DAW1: variants seen among roughly 807,000 people sequenced by gnomAD.
DAW1 encodes the protein dynein assembly factor with WD repeat domains 1.
DAW1 carries 47 observed loss-of-function variants against 56.5 expected under a neutral mutation model. The observed-to-expected ratio is 0.83, with a 90% CI of 0.66 to 1.06. DAW1 has a LOEUF of 1.06. Among genes scored for constraint, DAW1 ranks in the 50% least tolerant of loss-of-function variants. The pLI is 0.00. For synonymous variants in DAW1, 190 were observed against 179.0 expected, an observed-to-expected ratio of 1.06 and a Z score of -0.49; for missense variants, 505 against 499.3, an observed-to-expected ratio of 1.01 and a Z score of -0.11.
chr2:227,923,360 T>C (rs1246623639), intron 12 of DAW1, among the ~76,000 whole-genome samples: 1 of 152,230 alleles, frequency 6.6e-6, no homozygotes, highest in African/African-American at 2.4e-5. Context: ...TTACATTTGT[T>C]AAAACATGAA....
At chr2:227,895,464 A>G (rs1691384637) in intron 5 of DAW1, 1 of 152,228 alleles carries the variant, frequency 6.6e-6, no homozygotes, top group African/African-American at 2.4e-5. Context: ...AACAATTAAG[A>G]CAAGAAAGTG....
intron 10 of DAW1, among the ~76,000 whole-genome samples, chr2:227,917,923 G>A (rs888848639): frequency 2.0e-5 from 3 of 152,000 alleles, no homozygotes; most frequent in Admixed American, 2.0e-4. Flanking sequence ...CTACAATTTT[G>A]TATCCTTGCT....
intron 2 of DAW1, among the ~76,000 whole-genome samples, chr2:227,888,929 A>G (rs149220333): frequency 6.6e-6 from 1 of 152,322 alleles, no homozygotes; most frequent in Admixed American, 6.5e-5. Flanking sequence ...TATAATAAAT[A>G]TTAATATTAG....
intron 2 of DAW1, among the ~76,000 whole-genome samples, chr2:227,889,283 T>C (rs1447808603): frequency 6.6e-6 from 1 of 152,182 alleles, no homozygotes; most frequent in Non-Finnish European, 1.5e-5. Flanking sequence ...TAGTTCTGAC[T>C]GAGAAATCCA....
Position 227,886,043 on chromosome 2 carries a change from C to T in DAW1, c.113+620C>T, listed in dbSNP as rs193266501. 1.3e-3 allele frequency among the ~76,000 whole-genome samples: 192 copies of T among 147,950 alleles called. 1 individual carries two copies. Among genetic ancestry groups the T allele is most frequent in the Non-Finnish European group, 2.4e-3 (162 of 67,552 alleles). ...AGTCTGGAGTGCAGTGGCTCGATCTCGGCTCATTGCATCCTCCGCCTCCTG... is the reference window on the plus strand; with the variant it reads ...AGTCTGGAGTGCAGTGGCTCGATCTTGGCTCATTGCATCCTCCGCCTCCTG... On this transcript the variant is annotated intron_variant, in intron 2 of 12. Coordinates refer to ENST00000309931, the MANE Select transcript of DAW1 (RefSeq NM_178821.3).
intron 6 of DAW1, among the ~76,000 whole-genome samples, chr2:227,900,753 A>G (rs1316860967): frequency 6.6e-6 from 1 of 152,168 alleles, no homozygotes; most frequent in Non-Finnish European, 1.5e-5. Context: ...GAATATGTGA[A>G]TGTGGATTTG....
At chr2:227,912,462 A>G in intron 10 of DAW1, 1 of 1,304,322 alleles carries the variant, frequency 7.7e-7, no homozygotes, top group South Asian at 1.2e-5. Flanking sequence ...TCTGCTGTCA[A>G]CAATATGGTA....
At position 227,885,331 on chromosome 2, in the gene DAW1, A is replaced by G. The variant is rs1003340364; in HGVS notation, c.41-20A>G. 2 of 1,538,316 alleles carry G rather than the reference A, an allele frequency of 1.3e-6. No homozygotes were observed. Among genetic ancestry groups the G allele is most frequent in the South Asian group, 1.3e-5 (1 of 79,612 alleles). ...GTGGTTATCGTAAGTGTTTTATAAC[A>G]TGTTTGTTTATTTCTATAGGAATTA... On this transcript the variant is annotated intron_variant, in intron 1 of 12. Transcript: ENST00000309931.
intron 1 of DAW1, among the ~76,000 whole-genome samples, chr2:227,872,964 A>G (rs1690791622): frequency 6.6e-6 from 1 of 152,170 alleles, no homozygotes; most frequent in African/African-American, 2.4e-5. Context: ...AAGATCTCCA[A>G]TAGCTTCCTA....
intron 10 of DAW1, among the ~76,000 whole-genome samples, chr2:227,916,758 C>T (rs897786805): frequency 1.3e-5 from 2 of 152,100 alleles, no homozygotes; most frequent in African/African-American, 4.8e-5. Context: ...TTTCATCTAC[C>T]TGAACTTGAC....
intron 10 of DAW1, among the ~76,000 whole-genome samples, chr2:227,915,791 C>T (rs1035493317): frequency 5.3e-5 from 8 of 152,056 alleles, no homozygotes; most frequent in Non-Finnish European, 1.2e-4. Flanking sequence ...GTGTCATATC[C>T]TTAATAGCCA....
chr2:227,901,756 C>G (rs1212329352), intron 6 of DAW1, among the ~76,000 whole-genome samples: 1 of 152,188 alleles, frequency 6.6e-6, no homozygotes, highest in East Asian at 1.9e-4. Flanking sequence ...TGATGGTAGA[C>G]TGTTTCCCAA....
At chr2:227,889,561 A>G (rs1574653431) in intron 2 of DAW1, 2 of 212,702 alleles carry the variant, frequency 9.4e-6, no homozygotes, top group East Asian at 2.1e-4. Context: ...AAACATTCAA[A>G]CCACAACACT....
rs556409280 is a variant in DAW1 at position 227,921,305 on chromosome 2, CTTTTTTTTTTTT to C, written c.1051-77_1051-66del. 4.8e-4 allele frequency: 208 copies of C among 436,322 alleles called. 1 individual carries two copies. In the African/African-American group the frequency reaches 7.4e-3, roughly 15 times the overall value. The allele number at this position is 436,322 out of a possible 1,614,324, so 27.0% of individuals were successfully genotyped here. A position where few individuals can be genotyped will look rare whatever the true frequency, so the allele number is the denominator to read the frequency against. ...GGAAGGTGACATGTGCTGTAATGTC[CTTTTTTTTTTTT>C]TTTTTTTTTTTTTTTTGCTGATAAG... On this transcript the variant is annotated intron_variant, in intron 11 of 12. Transcript: ENST00000309931.
Position 227,924,122 on chromosome 2 carries a change from T to A in DAW1, c.*154T>A. ...GTCCTTCATTTCACAGATATGACCA[T>A]TAAACATGACAAAGTTATGCCACTC... On this transcript the variant is annotated 3_prime_UTR_variant, in exon 13 of 13. Transcript: ENST00000309931. 1.2e-6 allele frequency: 1 copy of A among 867,152 alleles called. No homozygotes were observed. The highest frequency in any genetic ancestry group is 1.8e-6 in the Non-Finnish European group (1 of 550,280). 53.7% of individuals were successfully genotyped at this position (867,152 alleles called of 1,614,324 possible). A position where few individuals can be genotyped will look rare whatever the true frequency, so the allele number is the denominator to read the frequency against.
intron 1 of DAW1, among the ~76,000 whole-genome samples, chr2:227,881,743 CTTTTTTTTTTT>C (rs541800966): frequency 1.8e-4 from 14 of 78,610 alleles, no homozygotes; most frequent in Middle Eastern, 8.8e-3. Flanking sequence ...CTGCCACATT[CTTTTTTTTTTT>C]TTTTTTTTTT....
intron 10 of DAW1, among the ~76,000 whole-genome samples, chr2:227,917,254 A>AT (rs1252188251): frequency 7.5e-6 from 1 of 133,160 alleles, no homozygotes; most frequent in South Asian, 2.4e-4. Context: ...CTGAAGGCTG[A>AT]TTTTTTTGTT....
At chr2:227,888,440 C>A (rs150461170) in intron 2 of DAW1, among the ~76,000 whole-genome samples, 1 of 152,146 alleles carries the variant, frequency 6.6e-6, no homozygotes, top group Non-Finnish European at 1.5e-5. Flanking sequence ...ATGAAGAAGG[C>A]GGGACAACAG....
In DAW1 at chr2:227,876,164, C is replaced by T. The variant is rs190974491; in HGVS notation, c.40+4435C>T. The stretch of plus-strand genomic sequence containing the variant: ...CTGAGTAGCTGGGACTACAGGCGCC[C>T]GCCAGTACGCCAGGCTAATTAATTT... On this transcript the variant is annotated intron_variant, in intron 1 of 12. Coordinates refer to ENST00000309931, the MANE Select transcript of DAW1 (RefSeq NM_178821.3). Among the ~76,000 whole-genome samples, 1,100 of 152,186 alleles carry T rather than the reference C, an allele frequency of 7.2e-3. 8 individuals carry two copies. The highest frequency in any genetic ancestry group is 0.017 in the South Asian group (82 of 4,816).
Sources: allele counts gnomAD v4.1 joint callset (sites outside exome capture counted in the v4.1 genomes callset), GRCh38; gene constraint gnomAD v4.1.1; transcripts MANE v1.5; gene names NCBI Gene and HGNC (gene_info 2026-07-23, HGNC 2026-07-21).